WDR27: variants seen among roughly 807,000 people sequenced by gnomAD.
WDR27 encodes the protein WD repeat domain 27, also known as WD repeat-containing protein 27.
Under a neutral mutation model 114.4 loss-of-function variants are expected in WDR27, and 100 were observed. The observed-to-expected ratio is 0.87, with a 90% CI of 0.74 to 1.03. The LOEUF is 1.03. WDR27 is among the 50% of genes least tolerant of loss of function. The probability of loss-of-function intolerance (pLI) is 0.00; values close to 1 mark genes in which losing one functional copy is unlikely to be tolerated. For synonymous variants in WDR27, 449 were observed against 423.1 expected (o/e 1.06, Z -0.75); for missense variants, 1,129 against 1,092.9 (o/e 1.03, Z -0.47).
At chr6:169,559,585 T>C (rs1365279788) in intron 25 of WDR27, 1 of 152,240 alleles carries the variant, frequency 6.6e-6, no homozygotes, top group African/African-American at 2.4e-5. Context: ...GAAATGTTGA[T>C]TTGGAACTGA....
intron 24 of WDR27, among the ~76,000 whole-genome samples, chr6:169,572,787 A>C (rs1181353610): frequency 6.6e-6 from 1 of 152,154 alleles, no homozygotes; most frequent in Non-Finnish European, 1.5e-5. Flanking sequence ...TTTTCTCAGT[A>C]ATACTACTTG....
intron 25 of WDR27, among the ~76,000 whole-genome samples, chr6:169,508,016 A>G (rs1792238638): frequency 6.6e-6 from 1 of 152,212 alleles, no homozygotes; most frequent in South Asian, 2.1e-4. Flanking sequence ...CGAAGAGAAA[A>G]GTGGACCTCA....
the WDR27 span, among the ~76,000 whole-genome samples, chr6:169,443,289 G>C: frequency 6.6e-6 from 1 of 152,332 alleles, no homozygotes; most frequent in Middle Eastern, 3.4e-3. Flanking sequence ...TTGGAACTAA[G>C]AGATTGTTTA....
intron 25 of WDR27, among the ~76,000 whole-genome samples, chr6:169,521,803 T>C (rs1794419074): frequency 6.6e-6 from 1 of 150,874 alleles, no homozygotes; most frequent in Non-Finnish European, 1.5e-5. Flanking sequence ...TATAAAAGAG[T>C]GACAAAAAAT....
chr6:169,507,526 T>A (rs945968756), intron 25 of WDR27, among the ~76,000 whole-genome samples: 2 of 152,140 alleles, frequency 1.3e-5, no homozygotes, highest in South Asian at 4.1e-4. Flanking sequence ...AGAAGCATGG[T>A]TGACAGGTTG....
intron 23 of WDR27, among the ~76,000 whole-genome samples, 195 bp from the exon 24 acceptor site, chr6:169,583,129 T>C (rs1803795873): frequency 6.6e-6 from 1 of 152,114 alleles, no homozygotes; most frequent in Non-Finnish European, 1.5e-5. Context: ...CCCTTCTCTC[T>C]TGTAGATTTT....
intron 25 of WDR27, among the ~76,000 whole-genome samples, chr6:169,530,196 C>A (rs1290773422): frequency 6.6e-6 from 1 of 152,198 alleles, no homozygotes; most frequent in East Asian, 1.9e-4. Flanking sequence ...AAATATAATA[C>A]GAACCATCTT....
At chr6:169,430,673 G>A in the WDR27 span, among the ~76,000 whole-genome samples, 1 of 152,346 alleles carries the variant, frequency 6.6e-6, no homozygotes, top group East Asian at 1.9e-4. Flanking sequence ...ACTTGTCAGG[G>A]CAGATCCCAG....
chr6:169,670,434 TA>T, intron 4 of WDR27, 134 bp downstream of exon 4: 1 of 919,608 alleles, frequency 1.1e-6, no homozygotes, highest in Non-Finnish European at 1.6e-6. Context: ...TTTATAAAAG[TA>T]AACTAAATTG....
chr6:169,639,953 G>A (rs1250926154), intron 17 of WDR27, among the ~76,000 whole-genome samples: 3 of 152,198 alleles, frequency 2.0e-5, no homozygotes, highest in African/African-American at 7.2e-5. Flanking sequence ...CCAGCTGTGT[G>A]GCATGGTGAG....
intron 21 of WDR27, among the ~76,000 whole-genome samples, chr6:169,618,996 A>T (rs1178950794): frequency 6.6e-6 from 1 of 152,196 alleles, no homozygotes; most frequent in Non-Finnish European, 1.5e-5. Flanking sequence ...ATTTTCCCAT[A>T]AAAAACCTCA....
intron 25 of WDR27, among the ~76,000 whole-genome samples, chr6:169,500,644 G>A (rs577838356): frequency 6.6e-6 from 1 of 152,248 alleles, no homozygotes; most frequent in African/African-American, 2.4e-5. Context: ...CCTGCCCTCC[G>A]GGAGGTATGG....
intron 24 of WDR27, among the ~76,000 whole-genome samples, chr6:169,578,472 T>C (rs758883319): frequency 4.6e-5 from 7 of 152,166 alleles, no homozygotes; most frequent in East Asian, 1.9e-4. Context: ...TTAAAATAAA[T>C]ATTTAAATAC....
At chr6:169,669,220 G>A (rs2128292084) in intron 4 of WDR27, among the ~76,000 whole-genome samples, 1 of 152,362 alleles carries the variant, frequency 6.6e-6, no homozygotes, top group Middle Eastern at 3.4e-3. Flanking sequence ...CTGTTGACTT[G>A]TTGAGTATGC....
At chr6:169,508,638 A>G (rs965894971) in intron 25 of WDR27, among the ~76,000 whole-genome samples, 1 of 152,246 alleles carries the variant, frequency 6.6e-6, no homozygotes, top group African/African-American at 2.4e-5. Flanking sequence ...ATTCAGTACA[A>G]TCTGAAGTGG....
chr6:169,442,770 AC>A, the WDR27 span, among the ~76,000 whole-genome samples: 1 of 152,078 alleles, frequency 6.6e-6, no homozygotes, highest in African/African-American at 2.4e-5. Flanking sequence ...ATATCTGGCC[AC>A]CTGGCCTTGG....
At chr6:169,695,672 C>T (rs1472333668) in intron 1 of WDR27, among the ~76,000 whole-genome samples, 1 of 152,158 alleles carries the variant, frequency 6.6e-6, no homozygotes, top group East Asian at 1.9e-4. Flanking sequence ...GACAGAGTAA[C>T]ACTCTCCCTA....
At position 169,664,216 on chromosome 6, in the gene WDR27, GT is replaced by G. The variant is rs1249846962; in HGVS notation, c.853del (p.Thr285GlnfsTer36). The stretch of plus-strand genomic sequence containing the variant: ...AACCCTTCTTGTGGAGAAAGTCTCT[GT>G]CTTCTTCCTTAGGTCAACCCGTGCC... Reference protein sequence around the residue: ...RVARVDLRKKTETFSTRRVKS... With the variant: ...RVARVDLRKKXETFSTRRVKS... On this transcript the variant is annotated frameshift_variant, in exon 8 of 26. Transcript: ENST00000448612. LOFTEE classifies it high-confidence loss of function. 1 of 1,612,944 alleles carries G rather than the reference GT, an allele frequency of 6.2e-7. No homozygotes were observed. The highest frequency in any genetic ancestry group is 1.7e-5 in the Admixed American group (1 of 59,926).
intron 25 of WDR27, among the ~76,000 whole-genome samples, chr6:169,560,745 A>T (rs1173345649): frequency 6.6e-6 from 1 of 152,226 alleles, no homozygotes; most frequent in Non-Finnish European, 1.5e-5. Flanking sequence ...TAAAACATAA[A>T]CTATTGTAAA....
Sources: allele counts gnomAD v4.1 joint callset (sites outside exome capture counted in the v4.1 genomes callset), GRCh38; gene constraint gnomAD v4.1.1; transcripts MANE v1.5; gene names NCBI Gene and HGNC (gene_info 2026-07-23, HGNC 2026-07-21).